The following ENTHD1 variants were observed in gnomAD, a reference collection of about 807,000 sequenced individuals.
ENTHD1 encodes ENTH domain-containing protein 1.
A neutral mutation model predicts 39.1 loss-of-function variants in ENTHD1; 23 were observed. The observed-to-expected ratio is 0.59, with a 90% confidence interval of 0.42 to 0.83. The LOEUF is 0.83. Among genes scored for constraint, ENTHD1 ranks in the 40% least tolerant of loss-of-function variants. The pLI, the probability that ENTHD1 is intolerant of heterozygous loss-of-function variation, is 0.00. For synonymous variants in ENTHD1, 230 were observed against 258.2 expected, an observed-to-expected ratio of 0.89 and a Z score of 1.05; for missense variants, 624 against 705.4, an observed-to-expected ratio of 0.88 and a Z score of 1.31.
At chr22:39,747,371 T>C (rs1248234546) in intron 6 of ENTHD1, among the ~76,000 whole-genome samples, 1 of 152,122 alleles carries the variant, frequency 6.6e-6, no homozygotes, top group Non-Finnish European at 1.5e-5. Context: ...CAAGGGAATC[T>C]GAAAGAGGCT....
chr22:39,843,899 C>G (rs1251580068), intron 3 of ENTHD1, among the ~76,000 whole-genome samples: 1 of 152,132 alleles, frequency 6.6e-6, no homozygotes, highest in Non-Finnish European at 1.5e-5. Context: ...CTCAAGAGTG[C>G]CTTGATCTTG....
At chr22:39,826,849 TAA>T (rs113990842) in intron 4 of ENTHD1, among the ~76,000 whole-genome samples, 18 of 137,442 alleles carry the variant, frequency 1.3e-4, no homozygotes, top group Admixed American at 3.6e-4. Flanking sequence ...AATAGTCTGT[TAA>T]AAAAAAAAAA....
In ENTHD1 at chr22:39,825,206, T is replaced by G. The variant is rs572675647; in HGVS notation, c.712-4093A>C. ...GTATTTTAATTTATACTTCAGTATT[T>G]TAATGCCTAAGTATTTAAATTTATA... On this transcript the variant is annotated intron_variant, in intron 4 of 6. Transcript: ENST00000325157. 7.9e-5 allele frequency among the ~76,000 whole-genome samples: 12 copies of G among 152,358 alleles called. No individual in the cohort carries two copies. In the South Asian group the frequency reaches 2.5e-3, roughly 32 times the overall value.
At chr22:39,750,553 C>A in intron 6 of ENTHD1, 1 of 153,434 alleles carries the variant, frequency 6.5e-6, no homozygotes, top group South Asian at 2.0e-4. Flanking sequence ...TCTTCACTCT[C>A]AGATTCCTGC....
chr22:39,767,079 T>C (rs1191464833), intron 5 of ENTHD1, among the ~76,000 whole-genome samples: 1 of 152,158 alleles, frequency 6.6e-6, no homozygotes, highest in South Asian at 2.1e-4. Context: ...TGAGGAGACC[T>C]TGCAAGGAGT....
chr22:39,845,604 C>T (rs954195743), intron 3 of ENTHD1, among the ~76,000 whole-genome samples: 3 of 152,196 alleles, frequency 2.0e-5, no homozygotes, highest in African/African-American at 4.8e-5. Context: ...AAATTCCTCA[C>T]AATATGGCAT....
chr22:39,872,061 C>T (rs967944387), intron 2 of ENTHD1, among the ~76,000 whole-genome samples: 2 of 152,050 alleles, frequency 1.3e-5, no homozygotes, highest in African/African-American at 4.8e-5. Context: ...GTGGGTTCAC[C>T]GATTAGAGAA....
intron 2 of ENTHD1, chr22:39,876,106 T>A: frequency 6.2e-7 from 1 of 1,602,608 alleles, no homozygotes; most frequent in Non-Finnish European, 8.5e-7. Flanking sequence ...ATATGGTGAT[T>A]GTTGGTTAGA....
Position 39,857,712 on chromosome 22 carries a change from A to G in ENTHD1, c.592+4053T>C, listed in dbSNP as rs77710500. 6.0e-3 allele frequency among the ~76,000 whole-genome samples: 913 copies of G among 152,260 alleles called. 4 individuals are homozygous for G. The highest frequency in any genetic ancestry group is 0.021 in the African/African-American group (871 of 41,536). Reference sequence around the variant, plus strand: ...CTGCAATAAAGCAAATATTCCAATAAAGCCACTCACACAAACATTTTTGTT... The same window carrying G: ...CTGCAATAAAGCAAATATTCCAATAGAGCCACTCACACAAACATTTTTGTT... On this transcript the variant is annotated intron_variant, in intron 3 of 6. Transcript: ENST00000325157.
At chr22:39,779,250 A>G (rs2065389224) in intron 5 of ENTHD1, among the ~76,000 whole-genome samples, 1 of 152,052 alleles carries the variant, frequency 6.6e-6, no homozygotes, top group African/African-American at 2.4e-5. Context: ...CCGGGAGGCA[A>G]AGGTTGCAGT....
intron 6 of ENTHD1, among the ~76,000 whole-genome samples, chr22:39,755,656 C>T (rs1569126276): frequency 6.6e-6 from 1 of 152,032 alleles, no homozygotes; most frequent in African/African-American, 2.4e-5. Context: ...CTCCTGGGTA[C>T]TTTTGGAAAC....
intron 3 of ENTHD1, among the ~76,000 whole-genome samples, 155 bp downstream of exon 3, chr22:39,861,610 A>C (rs998202238): frequency 6.6e-6 from 1 of 152,158 alleles, no homozygotes; most frequent in Admixed American, 6.5e-5. Context: ...TCTATTGAAT[A>C]TTCTTCGTTG....
At chr22:39,752,237 GA>G (rs1173587521) in intron 6 of ENTHD1, among the ~76,000 whole-genome samples, 10 of 152,116 alleles carry the variant, frequency 6.6e-5, no homozygotes. Context: ...AAAAAGCAAT[GA>G]AGTACTGATA....
At chr22:39,810,354 C>T (rs1022809603) in intron 5 of ENTHD1, among the ~76,000 whole-genome samples, 5 of 152,176 alleles carry the variant, frequency 3.3e-5, no homozygotes, top group African/African-American at 1.2e-4. Flanking sequence ...CTAGGAGCTA[C>T]CTCACACCGA....
chr22:39,773,071 C>A (rs911621176), intron 5 of ENTHD1, among the ~76,000 whole-genome samples: 7 of 141,118 alleles, frequency 5.0e-5, no homozygotes, highest in Admixed American at 1.5e-4. Context: ...ATCTCTTGAG[C>A]CCAGGAATTT....
At chr22:39,852,228 C>T (rs1213108560) in intron 3 of ENTHD1, among the ~76,000 whole-genome samples, 6 of 151,736 alleles carry the variant, frequency 4.0e-5, no homozygotes, top group Admixed American at 3.9e-4. Flanking sequence ...TGCCTGCAGT[C>T]CCAGCTACTT....
At chr22:39,761,771 A>G (rs1286330157) in intron 6 of ENTHD1, among the ~76,000 whole-genome samples, 3 of 152,002 alleles carry the variant, frequency 2.0e-5, no homozygotes, top group Admixed American at 6.6e-5. Context: ...CAGAACTTCC[A>G]TTTAATTCCT....
chr22:39,888,686 A>G (rs2066403421), intron 1 of ENTHD1, among the ~76,000 whole-genome samples: 2 of 152,184 alleles, frequency 1.3e-5, no homozygotes, highest in Admixed American at 1.3e-4. Context: ...TCAGCCTCCC[A>G]AAGTGCTGGG....
At chr22:39,814,469 AAAAG>A (rs1421103156) in intron 5 of ENTHD1, among the ~76,000 whole-genome samples, 6 of 152,260 alleles carry the variant, frequency 3.9e-5, no homozygotes, top group African/African-American at 1.2e-4. Flanking sequence ...CAGGGAAAAA[AAAAG>A]AAAGCCAAAA....
Sources: allele counts gnomAD v4.1 joint callset (sites outside exome capture counted in the v4.1 genomes callset), GRCh38; gene constraint gnomAD v4.1.1; transcripts MANE v1.5; gene names NCBI Gene and HGNC (gene_info 2026-07-23, HGNC 2026-07-21).